Variants in GBP7 observed in about 807,000 individuals in gnomAD.
GBP7 encodes the protein guanylate-binding protein 7.
A neutral mutation model predicts 61.3 loss-of-function variants in GBP7; 43 were observed. The ratio of observed to expected loss-of-function variants is 0.70; its 90% CI spans 0.55 to 0.91. GBP7 has a LOEUF of 0.91. Among genes scored for constraint, GBP7 ranks in the 40% least tolerant of loss-of-function variants. The probability of loss-of-function intolerance (pLI) is 0.00; values close to 1 mark genes in which losing one functional copy is unlikely to be tolerated. For missense variants in GBP7, 717 were observed against 740.5 expected, an observed-to-expected ratio of 0.97 and a Z score of 0.37; for synonymous variants, 267 against 271.0, an observed-to-expected ratio of 0.99 and a Z score of 0.14.
rs755436006 is a variant in GBP7 at position 89,141,575 on chromosome 1, G to T, written c.1439C>A (p.Ala480Asp). The change falls in exon 9 of 11, where the codon GCC becomes GAC. Residue 480 changes from alanine (A) to aspartate (D), a missense_variant. By Grantham distance (126) the Ala-to-Asp change is moderately radical. Coordinates refer to ENST00000294671, the MANE Select transcript of GBP7 (RefSeq NM_207398.3). Reference protein sequence around the residue: ...IEESILQSDKALTAGEKAIAA... With the variant: ...IEESILQSDKDLTAGEKAIAA... ...TATGGCCTTCTCTCCAGCAGTGAGGGCTTTGTCTGACTGCAGGATGGATTC... is the reference window on the plus strand; with the variant it reads ...TATGGCCTTCTCTCCAGCAGTGAGGTCTTTGTCTGACTGCAGGATGGATTC... The T allele has an allele frequency of 4.3e-6, 7 of 1,613,736 alleles. No individual in the cohort carries two copies. The highest frequency in any genetic ancestry group is 5.1e-6 in the Non-Finnish European group (6 of 1,179,842).
intron 3 of GBP7, among the ~76,000 whole-genome samples, chr1:89,163,118 G>A (rs1186623132): frequency 6.6e-5 from 10 of 152,118 alleles, no homozygotes; most frequent in Admixed American, 6.5e-4. Flanking sequence ...AAGCCTACTT[G>A]ATCATGGTGG....
At chr1:89,154,697 C>T (rs1290151373) in intron 3 of GBP7, among the ~76,000 whole-genome samples, 1 of 149,854 alleles carries the variant, frequency 6.7e-6, no homozygotes, top group East Asian at 1.9e-4. Flanking sequence ...CAGGCTTACC[C>T]CCAAACTAAA....
chr1:89,163,308 C>G (rs1280173691), intron 3 of GBP7, among the ~76,000 whole-genome samples: 2 of 151,748 alleles, frequency 1.3e-5, no homozygotes, highest in Non-Finnish European at 2.9e-5. Flanking sequence ...GCCTCCTCCT[C>G]AATTTTTTGG....
At chr1:89,159,340 C>T (rs561903211) in intron 3 of GBP7, among the ~76,000 whole-genome samples, 32 of 152,252 alleles carry the variant, frequency 2.1e-4, no homozygotes, top group African/African-American at 7.7e-4. Context: ...GCAATGGCAA[C>T]AAAAGCCAAA....
intron 9 of GBP7, among the ~76,000 whole-genome samples, chr1:89,136,226 C>T (rs1376592571): frequency 6.6e-6 from 1 of 152,164 alleles, no homozygotes; most frequent in Non-Finnish European, 1.5e-5. Context: ...GAGTCTTCAA[C>T]ACTCCACTGA....
chr1:89,144,475 G>T (rs1200397818), intron 8 of GBP7, among the ~76,000 whole-genome samples: 1 of 152,058 alleles, frequency 6.6e-6, no homozygotes, highest in Non-Finnish European at 1.5e-5. Context: ...TCCCACAGAG[G>T]AATTTACAAT....
At chr1:89,141,759 A>C in intron 8 of GBP7, 111 bp from the exon 9 acceptor site, 1 of 773,364 alleles carries the variant, frequency 1.3e-6, no homozygotes, top group South Asian at 1.7e-5. Context: ...ACTTCACATT[A>C]TTCTTAAGAT....
chr1:89,134,733 G>A (rs1170403181), intron 9 of GBP7, among the ~76,000 whole-genome samples: 3 of 152,098 alleles, frequency 2.0e-5, no homozygotes, highest in Non-Finnish European at 4.4e-5. Flanking sequence ...AGGAATATCA[G>A]CCCACACAGA....
At chr1:89,148,795 T>C (rs1297866000) in intron 7 of GBP7, among the ~76,000 whole-genome samples, 3 of 152,130 alleles carry the variant, frequency 2.0e-5, no homozygotes, top group Non-Finnish European at 4.4e-5. Flanking sequence ...AGGCATTTTT[T>C]CCACACTCAG....
intron 3 of GBP7, among the ~76,000 whole-genome samples, chr1:89,161,238 G>A (rs535319460): frequency 2.5e-4 from 38 of 152,038 alleles, no homozygotes; most frequent in South Asian, 4.2e-4. Context: ...GAATATTCAC[G>A]TACACGTATC....
chr1:89,161,084 C>T (rs1203261838), intron 3 of GBP7, among the ~76,000 whole-genome samples: 2 of 152,170 alleles, frequency 1.3e-5, no homozygotes, highest in Admixed American at 6.5e-5. Context: ...TGACCTCCAG[C>T]TCCATCCATA....
In GBP7 at chr1:89,141,541, T is replaced by G. The variant is rs1246546812; in HGVS notation, c.1468+5A>C. On this transcript the variant is annotated splice_donor_5th_base_variant and intron_variant, in intron 9 of 10. Transcript: ENST00000294671. ...TTGCCTGAGAGCTGAGCCCTGCCCC[T>G]GTACCTGCTATGGCCTTCTCTCCAG... The G allele has an allele frequency of 6.2e-7, 1 of 1,612,946 alleles. No individual in the cohort carries two copies.
rs554767027 is a variant in GBP7, at chr1:89,156,689, G to A, written c.319-3912C>T. 3.2e-3 allele frequency among the ~76,000 whole-genome samples: 489 copies of A among 152,250 alleles called. 2 individuals are homozygous for A. Among genetic ancestry groups the A allele is most frequent in the African/African-American group, 0.011 (468 of 41,536 alleles). On this transcript the variant is annotated intron_variant, in intron 3 of 10. Coordinates refer to ENST00000294671, the MANE Select transcript of GBP7 (RefSeq NM_207398.3). ...AAATATATATGCACCCAATACAGGAGCACCCAGATTCATAAAGCAAGTCCT... is the reference window on the plus strand; with the variant it reads ...AAATATATATGCACCCAATACAGGAACACCCAGATTCATAAAGCAAGTCCT...
intron 6 of GBP7, 21 bp from the exon 7 acceptor site, chr1:89,149,593 A>G (rs980573965): frequency 1.3e-6 from 2 of 1,592,292 alleles, no homozygotes; most frequent in Non-Finnish European, 8.6e-7. Flanking sequence ...TAGGAAATTT[A>G]GGGAATAGAT....
Position 89,147,724 on chromosome 1 carries a change from G to A in GBP7, c.1208C>T (p.Ala403Val). Residue 403 changes from alanine (A) to valine (V), a missense_variant, in exon 8 of 11, where the codon GCC becomes GTC. By Grantham distance (64) the Ala-to-Val change is moderately conservative (BLOSUM62 0). This residue lies in a region of GBP7 where 312 missense variants were observed against 310.1 expected (regional missense o/e 1.01). Coordinates refer to ENST00000294671, the MANE Select transcript of GBP7 (RefSeq NM_207398.3). ...DFVLQNEEAS[A>V]KYCQAELKRL... ...CTTAAGCTCAGCCTGACAATATTTGGCAGATGCCTCTTCATTCTGCAGCAC... is the reference window on the plus strand; with the variant it reads ...CTTAAGCTCAGCCTGACAATATTTGACAGATGCCTCTTCATTCTGCAGCAC... 1.2e-6 allele frequency: 2 copies of A among 1,614,144 alleles called. No homozygotes were observed. The highest frequency in any genetic ancestry group is 2.2e-5 in the East Asian group (1 of 44,880).
chr1:89,136,885 A>G (rs1312533108), intron 9 of GBP7, among the ~76,000 whole-genome samples: 1 of 152,088 alleles, frequency 6.6e-6, no homozygotes, highest in Non-Finnish European at 1.5e-5. Flanking sequence ...GGAAAAATAC[A>G]TAAGATGGAT....
chr1:89,134,393 A>G (rs114997851), intron 9 of GBP7, among the ~76,000 whole-genome samples: 2,958 of 152,242 alleles, frequency 0.019, 89 homozygotes, highest in African/African-American at 0.067. Flanking sequence ...CTTGGACCCC[A>G]CTGCCACTGC....
At chr1:89,151,817 A>G (rs1682207028) in intron 5 of GBP7, among the ~76,000 whole-genome samples, 1 of 152,160 alleles carries the variant, frequency 6.6e-6, no homozygotes, top group Non-Finnish European at 1.5e-5. Context: ...TATCCAGGCT[A>G]ATAAAATAGA....
rs1681725069 is a variant in GBP7 at position 89,133,452 on chromosome 1, C to A, written c.1469-1G>T. The A allele has an allele frequency of 1.2e-6, 2 of 1,613,554 alleles. No homozygotes were observed. Among genetic ancestry groups the A allele is most frequent in the East Asian group, 4.5e-5 (2 of 44,874 alleles). On this transcript the variant is annotated splice_acceptor_variant, in intron 9 of 10. Coordinates refer to ENST00000294671, the MANE Select transcript of GBP7 (RefSeq NM_207398.3). LOFTEE classifies it high-confidence loss of function. ...GCTGCCTCCTTCTTAGCCTGCTTAG[C>A]TGTTCCACCGAGGTTTTACAGAGGG... is the stretch of plus-strand genomic sequence containing the variant.
Sources: allele counts gnomAD v4.1 joint callset (sites outside exome capture counted in the v4.1 genomes callset), GRCh38; gene constraint gnomAD v4.1.1; regional missense constraint gnomAD v4.1.1; transcripts MANE v1.5; gene names NCBI Gene and HGNC (gene_info 2026-07-23, HGNC 2026-07-21).